ANKS1B: variants seen among roughly 807,000 people sequenced by gnomAD.
The protein encoded by ANKS1B is ankyrin repeat and sterile alpha motif domain containing 1B, also known as ankyrin repeat and sterile alpha motif domain-containing protein 1B.
Under a neutral mutation model 148.3 loss-of-function variants are expected in ANKS1B, and 36 were observed. That is an observed-to-expected ratio of 0.24 (90% CI 0.19 to 0.32). The LOEUF is 0.32. Ranked by LOEUF, ANKS1B falls within the 10% of genes least tolerant of loss-of-function variation. The probability of loss-of-function intolerance (pLI) is 1.00; values close to 1 mark genes in which losing one functional copy is unlikely to be tolerated. For synonymous variants in ANKS1B, 542 were observed against 560.8 expected (o/e 0.97, Z 0.47); for missense variants, 1,157 against 1,542.6 (o/e 0.75, Z 4.19).
At chr12:99,001,348 C>CA (rs1278491918) in intron 17 of ANKS1B, among the ~76,000 whole-genome samples, 1 of 152,024 alleles carries the variant, frequency 6.6e-6, no homozygotes, top group African/African-American at 2.4e-5. Context: ...AGGATGATCT[C>CA]AAACTCTTAG....
chr12:98,913,474 C>G (rs2099789536), intron 17 of ANKS1B, among the ~76,000 whole-genome samples: 1 of 152,194 alleles, frequency 6.6e-6, no homozygotes. Flanking sequence ...TCTTCTGGAT[C>G]TACTCTCATC....
intron 14 of ANKS1B, among the ~76,000 whole-genome samples, chr12:99,170,652 T>C (rs1009069556): frequency 6.6e-6 from 1 of 152,152 alleles, no homozygotes; most frequent in African/African-American, 2.4e-5. Flanking sequence ...TTCTCTTTGT[T>C]TCCAACAGAC....
intron 9 of ANKS1B, among the ~76,000 whole-genome samples, chr12:98,737,028 CCA>C (rs1172039015): frequency 4.6e-5 from 7 of 152,198 alleles, no homozygotes; most frequent in Non-Finnish European, 1.0e-4. Flanking sequence ...GTTCCTCCCT[CCA>C]GATTGTTGTA....
chr12:99,960,505 C>T (rs2095395235), intron 1 of ANKS1B, among the ~76,000 whole-genome samples: 1 of 152,152 alleles, frequency 6.6e-6, no homozygotes, highest in Non-Finnish European at 1.5e-5. Context: ...AAAGCTGACA[C>T]AGCTGAGTTG....
At chr12:98,760,124 G>A (rs7300416) in intron 25 of ANKS1B, among the ~76,000 whole-genome samples, 10,887 of 152,244 alleles carry the variant, frequency 0.072, 551 homozygotes, top group Middle Eastern at 0.15. Context: ...TTATCACTGC[G>A]TATTGAGACT....
intron 9 of ANKS1B, among the ~76,000 whole-genome samples, chr12:99,522,841 CT>C (rs1406869588): frequency 6.6e-6 from 1 of 152,132 alleles, no homozygotes; most frequent in Admixed American, 6.5e-5. Context: ...TGGGAATGAT[CT>C]GGCTTCACAA....
intron 6 of ANKS1B, among the ~76,000 whole-genome samples, chr12:99,778,186 T>A (rs1211617153): frequency 7.1e-6 from 1 of 141,156 alleles, no homozygotes. Flanking sequence ...GGTGACAGAG[T>A]GAGACTCCCT....
rs150864066 is a variant in ANKS1B, at chr12:99,000,531, A to C, written c.2778+52626T>G. Among the ~76,000 whole-genome samples, 1,143 of 152,228 alleles carry C rather than the reference A, an allele frequency of 7.5e-3. 15 individuals carry two copies. Among genetic ancestry groups the C allele is most frequent in the African/African-American group, 0.025 (1,041 of 41,548 alleles). On this transcript the variant is annotated intron_variant, in intron 17 of 26. Transcript: ENST00000683438. ...TGATCCTCCTGCCTTGGCCTCCCAA[A>C]GTGCTGGGATTACAGGCATGAGCCA...
intron 8 of ANKS1B, among the ~76,000 whole-genome samples, chr12:99,724,589 G>A (rs1276835531): frequency 6.6e-6 from 1 of 152,124 alleles, no homozygotes; most frequent in African/African-American, 2.4e-5. Flanking sequence ...ACTTCAGGAT[G>A]TTATCTAGGA....
At chr12:99,726,661 CA>C (rs1367296603) in intron 8 of ANKS1B, among the ~76,000 whole-genome samples, 1 of 152,040 alleles carries the variant, frequency 6.6e-6, no homozygotes, top group African/African-American at 2.4e-5. Flanking sequence ...ATCCTGATAC[CA>C]AAACTGGGCA....
chr12:98,765,988 T>C lies in ANKS1B; in HGVS notation c.3579+7054A>G, dbSNP rs548656807. ...AAGGCCACCCCCTGATCATGACACTTGACTGCCAGTTATTTAGAAGTGGGG... is the reference window on the plus strand; with the variant it reads ...AAGGCCACCCCCTGATCATGACACTCGACTGCCAGTTATTTAGAAGTGGGG... On this transcript the variant is annotated intron_variant, in intron 25 of 26. Transcript: ENST00000683438. 4.3e-4 allele frequency among the ~76,000 whole-genome samples: 66 copies of C among 152,334 alleles called. 1 individual carries two copies. Among genetic ancestry groups the C allele is most frequent in the Admixed American group, 7.2e-4 (11 of 15,306 alleles).
intron 16 of ANKS1B, among the ~76,000 whole-genome samples, chr12:99,055,399 G>A (rs956230990): frequency 2.0e-5 from 3 of 152,322 alleles, no homozygotes; most frequent in East Asian, 3.9e-4. Flanking sequence ...CTCGGGAAAA[G>A]CTTAGGGAGT....
At chr12:99,120,613 A>T (rs1402841225) in intron 15 of ANKS1B, among the ~76,000 whole-genome samples, 1 of 152,246 alleles carries the variant, frequency 6.6e-6, no homozygotes, top group South Asian at 2.1e-4. Context: ...AAGAAATATT[A>T]TCAAGTCACA....
At chr12:98,894,742 G>C (rs1400539765) in intron 17 of ANKS1B, 2 of 985,510 alleles carry the variant, frequency 2.0e-6, no homozygotes, top group Non-Finnish European at 2.4e-6. Context: ...TTGCCTCTGT[G>C]CATCTTTCTG....
chr12:99,969,138 A>C (rs1412114533), intron 1 of ANKS1B, among the ~76,000 whole-genome samples: 1 of 152,172 alleles, frequency 6.6e-6, no homozygotes, highest in Non-Finnish European at 1.5e-5. Flanking sequence ...AGACAATATC[A>C]AGCACCTAGA....
chr12:98,803,382 C>T (rs995832743), intron 20 of ANKS1B, among the ~76,000 whole-genome samples: 2 of 152,188 alleles, frequency 1.3e-5, no homozygotes, highest in East Asian at 1.9e-4. Context: ...CTCCCTCCTT[C>T]TCCCGCTCCC....
chr12:99,053,277 G>T lies in ANKS1B; in HGVS notation c.2658C>A (p.Pro886=). Reference sequence around the variant, plus strand: ...AATCCAGCCACTCAGCTACAGAGGTGGGATGGTAGCCATCATGCCCAATGG... The same window carrying T: ...AATCCAGCCACTCAGCTACAGAGGTTGGATGGTAGCCATCATGCCCAATGG... The part of the protein sequence containing the change: ...MRPIGHDGYH[P]TSVAEWLDSI... Residue 886 remains proline (P), a synonymous_variant, in exon 17 of 27, where the codon CCC becomes CCA. Coordinates refer to ENST00000683438, the MANE Select transcript of ANKS1B (RefSeq NM_001352186.2). 6.2e-7 allele frequency: 1 copy of T among 1,610,540 alleles called. No individual in the cohort carries two copies.
intron 17 of ANKS1B, among the ~76,000 whole-genome samples, chr12:98,870,950 AC>A (rs2099663841): frequency 6.6e-6 from 1 of 152,216 alleles, no homozygotes; most frequent in Non-Finnish European, 1.5e-5. Context: ...GATTATTCAG[AC>A]TGGGAGTAGG....
chr12:99,351,634 G>T (rs1382761043), intron 12 of ANKS1B, among the ~76,000 whole-genome samples: 1 of 151,982 alleles, frequency 6.6e-6, no homozygotes, highest in Non-Finnish European at 1.5e-5. Context: ...TTGTTGTCAT[G>T]AGGATTAGAA....
Sources: allele counts gnomAD v4.1 joint callset (sites outside exome capture counted in the v4.1 genomes callset), GRCh38; gene constraint gnomAD v4.1.1; transcripts MANE v1.5; gene names NCBI Gene and HGNC (gene_info 2026-07-23, HGNC 2026-07-21).